ACOD1: variants seen among roughly 807,000 people sequenced by gnomAD.
The protein encoded by ACOD1 is cis-aconitate decarboxylase.
A neutral mutation model predicts 14.2 loss-of-function variants in ACOD1; 14 were observed. That is an observed-to-expected ratio of 0.99 (90% CI 0.65 to 1.54). The LOEUF (loss-of-function observed/expected upper bound fraction) is 1.54, where lower values mean the gene tolerates loss of function less well. Among genes scored for constraint, ACOD1 ranks in the 40% most tolerant of loss-of-function variants. The pLI is 0.00. For synonymous variants in ACOD1, 182 were observed against 221.7 expected (o/e 0.82, Z 1.59); for missense variants, 530 against 586.3 (o/e 0.90, Z 0.99).
chr13:76,955,293 G>A (rs892208543), intron 3 of ACOD1, 26 bp from the exon 4 acceptor site: 3 of 1,542,280 alleles, frequency 1.9e-6, no homozygotes, highest in Admixed American at 2.0e-5. Context: ...AAGGCTTTTT[G>A]TTGCTGTTTG....
At chr13:76,953,559 C>T (rs1442460150) in intron 2 of ACOD1, 41 bp from the exon 3 acceptor site, 2 of 1,113,388 alleles carry the variant, frequency 1.8e-6, no homozygotes, top group Non-Finnish European at 2.7e-6. Flanking sequence ...ACTTGGTATA[C>T]TGTATTCACA....
chr13:76,949,120 A>T (rs1357861274), intron 1 of ACOD1, among the ~76,000 whole-genome samples: 2 of 152,158 alleles, frequency 1.3e-5, no homozygotes, highest in Non-Finnish European at 2.9e-5. Context: ...ACAAAAAATT[A>T]GCTGGGCGTG....
Position 76,958,045 on chromosome 13 carries a change from G to A in ACOD1, c.*60G>A, listed in dbSNP as rs2033898723. On this transcript the variant is annotated 3_prime_UTR_variant, in exon 5 of 5. Coordinates refer to ENST00000377462, the MANE Select transcript of ACOD1 (RefSeq NM_001258406.2). ...GAGATTCAATGATTTGGTTTGTAAA[G>A]CAAGGGTCTGCTGCTTGGTTTTCCC... 1 of 1,408,728 alleles carries A rather than the reference G, an allele frequency of 7.1e-7. No individual in the cohort carries two copies. The highest frequency in any genetic ancestry group is 9.3e-7 in the Non-Finnish European group (1 of 1,070,744). 87.3% of individuals were successfully genotyped at this position (1,408,728 alleles called of 1,614,324 possible).
intron 4 of ACOD1, 118 bp downstream of exon 4, chr13:76,955,642 C>A (rs1348435296): frequency 3.5e-6 from 3 of 847,734 alleles, no homozygotes; most frequent in African/African-American, 1.7e-5. Context: ...AACATTAGCA[C>A]AGGTAGATAA....
chr13:76,958,017 G>T lies in ACOD1; in HGVS notation c.*32G>T. On this transcript the variant is annotated 3_prime_UTR_variant, in exon 5 of 5. Transcript: ENST00000377462. Reference sequence around the variant, plus strand: ...CCAACATCTAAATGACTTTGCATTTGGGGAGATTCAATGATTTGGTTTGTA... The same window carrying T: ...CCAACATCTAAATGACTTTGCATTTTGGGAGATTCAATGATTTGGTTTGTA... The T allele has an allele frequency of 6.8e-7, 1 of 1,465,170 alleles. No individual in the cohort carries two copies. Among genetic ancestry groups the T allele is most frequent in the South Asian group, 1.4e-5 (1 of 69,342 alleles). The allele number at this position is 1,465,170 out of a possible 1,614,324, so 90.8% of individuals were successfully genotyped here. A position where few individuals can be genotyped will look rare whatever the true frequency, so the allele number is the denominator to read the frequency against.
chr13:76,952,362 C>A, intron 1 of ACOD1, 127 bp from the exon 2 acceptor site: 1 of 727,792 alleles, frequency 1.4e-6, no homozygotes. Context: ...TAAACTAAAT[C>A]TGAGCAACTG....
At position 76,948,520 on chromosome 13, in the gene ACOD1, G is replaced by A. The variant is rs754398074; in HGVS notation, c.-39G>A. ...ATCCAGCAAACAAATTACTCCTCTG[G>A]TTCACTCCTCCTGAACTGAACCTCT... On this transcript the variant is annotated 5_prime_UTR_variant, in exon 1 of 5. Transcript: ENST00000377462. 14 of 1,541,716 alleles carry A rather than the reference G, an allele frequency of 9.1e-6. No homozygotes were observed. In the South Asian group the frequency reaches 1.6e-4, roughly 17 times the overall value.
In ACOD1 at chr13:76,953,414, C is replaced by G. The variant is rs150853875; in HGVS notation, c.175-186C>G. Among the ~76,000 whole-genome samples, 3 of 152,286 alleles carry G rather than the reference C, an allele frequency of 2.0e-5. No individual in the cohort carries two copies. In the East Asian group the frequency reaches 5.8e-4, roughly 29 times the overall value. ...GGATCAAGCAACGACATCTCCTCCC[C>G]CTTTCACAGGGGAGAGCTGTGTATT... On this transcript the variant is annotated intron_variant, in intron 2 of 4. Coordinates refer to ENST00000377462, the MANE Select transcript of ACOD1 (RefSeq NM_001258406.2).
chr13:76,956,563 A>C (rs1357327900), intron 4 of ACOD1, among the ~76,000 whole-genome samples: 1 of 151,806 alleles, frequency 6.6e-6, no homozygotes, highest in African/African-American at 2.4e-5. Context: ...CCTAGGCTGG[A>C]GTGCAGCAGC....
Position 76,958,028 on chromosome 13 carries a change from A to G in ACOD1, c.*43A>G. 2.7e-6 allele frequency: 4 copies of G among 1,456,532 alleles called. No homozygotes were observed. Among genetic ancestry groups the G allele is most frequent in the Non-Finnish European group, 3.6e-6 (4 of 1,107,682 alleles). 90.2% of individuals were successfully genotyped at this position (1,456,532 alleles called of 1,614,324 possible). A position where few individuals can be genotyped will look rare whatever the true frequency, so the allele number is the denominator to read the frequency against. On this transcript the variant is annotated 3_prime_UTR_variant, in exon 5 of 5. Coordinates refer to ENST00000377462, the MANE Select transcript of ACOD1 (RefSeq NM_001258406.2). ...ATGACTTTGCATTTGGGGAGATTCA[A>G]TGATTTGGTTTGTAAAGCAAGGGTC... is the stretch of plus-strand genomic sequence containing the variant.
intron 1 of ACOD1, among the ~76,000 whole-genome samples, chr13:76,950,576 T>C (rs1298690307): frequency 6.6e-6 from 1 of 152,208 alleles, no homozygotes; most frequent in Non-Finnish European, 1.5e-5. Context: ...AGACACTTCA[T>C]ATTCAACAAG....
At position 76,958,201 on chromosome 13, in the gene ACOD1, G is replaced by C; in HGVS notation, c.*216G>C. The C allele has an allele frequency of 2.1e-6, 1 of 466,132 alleles. No homozygotes were observed. Among genetic ancestry groups the C allele is most frequent in the Admixed American group, 3.9e-5 (1 of 25,698 alleles). The allele number at this position is 466,132 out of a possible 1,614,324, so 28.9% of individuals were successfully genotyped here. On this transcript the variant is annotated 3_prime_UTR_variant, in exon 5 of 5. Coordinates refer to ENST00000377462, the MANE Select transcript of ACOD1 (RefSeq NM_001258406.2). ...AGATGAAACACACACACAAAAATGAGTTTGTAAGCATTCACAAGGGTGAAA... is the reference window on the plus strand; with the variant it reads ...AGATGAAACACACACACAAAAATGACTTTGTAAGCATTCACAAGGGTGAAA...
chr13:76,953,583 A>T lies in ACOD1; in HGVS notation c.175-17A>T, dbSNP rs763876655. On this transcript the variant is annotated splice_polypyrimidine_tract_variant and intron_variant, in intron 2 of 4. Transcript: ENST00000377462. ...ACTGTATTCACACTATCACTGGTTG[A>T]TTTGCTTTTGTTCCAGATCTACAGT... 1 of 1,478,312 alleles carries T rather than the reference A, an allele frequency of 6.8e-7. No homozygotes were observed. Among genetic ancestry groups the T allele is most frequent in the Admixed American group, 2.0e-5 (1 of 50,824 alleles). The allele number at this position is 1,478,312 out of a possible 1,614,324, so 91.6% of individuals were successfully genotyped here.
intron 4 of ACOD1, among the ~76,000 whole-genome samples, chr13:76,956,514 T>C (rs1012015312): frequency 1.2e-4 from 18 of 151,362 alleles, no homozygotes; most frequent in African/African-American, 3.9e-4. Flanking sequence ...TATTATTATT[T>C]TTATTATTAT....
chr13:76,950,655 G>A (rs1278120973), intron 1 of ACOD1, among the ~76,000 whole-genome samples: 1 of 152,116 alleles, frequency 6.6e-6, no homozygotes, highest in African/African-American at 2.4e-5. Flanking sequence ...CTTGGCCAAT[G>A]GCACTGCCAT....
In ACOD1 at chr13:76,958,013, A is replaced by G. The variant is rs928604561; in HGVS notation, c.*28A>G. On this transcript the variant is annotated 3_prime_UTR_variant, in exon 5 of 5. Coordinates refer to ENST00000377462, the MANE Select transcript of ACOD1 (RefSeq NM_001258406.2). Reference sequence around the variant, plus strand: ...CTTACCAACATCTAAATGACTTTGCATTTGGGGAGATTCAATGATTTGGTT... The same window carrying G: ...CTTACCAACATCTAAATGACTTTGCGTTTGGGGAGATTCAATGATTTGGTT... 1 of 1,466,648 alleles carries G rather than the reference A, an allele frequency of 6.8e-7. No individual in the cohort carries two copies. Among genetic ancestry groups the G allele is most frequent in the Non-Finnish European group, 9.0e-7 (1 of 1,112,836 alleles). 90.9% of individuals were successfully genotyped at this position (1,466,648 alleles called of 1,614,324 possible).
At chr13:76,950,363 AG>A (rs2033810623) in intron 1 of ACOD1, among the ~76,000 whole-genome samples, 1 of 152,232 alleles carries the variant, frequency 6.6e-6, no homozygotes. Flanking sequence ...CTGACTTAAG[AG>A]TGGATGTTTT....
chr13:76,950,099 A>G (rs532883970), intron 1 of ACOD1, among the ~76,000 whole-genome samples: 1 of 152,208 alleles, frequency 6.6e-6, no homozygotes, highest in African/African-American at 2.4e-5. Context: ...GGGACTAGTC[A>G]GTGTCCAGGT....
chr13:76,956,781 G>A (rs2033880533), intron 4 of ACOD1, among the ~76,000 whole-genome samples: 1 of 152,136 alleles, frequency 6.6e-6, no homozygotes, highest in Admixed American at 6.5e-5. Context: ...CCAAAGTCCT[G>A]GGATTACAGG....
Sources: gnomAD v4.1 joint callset for allele counts (sites outside exome capture counted in the v4.1 genomes callset) on GRCh38, gnomAD v4.1.1 for gene constraint, MANE v1.5 for transcripts, NCBI Gene and HGNC (gene_info 2026-07-23, HGNC 2026-07-21) for gene names.